Variants in GSDME observed in about 807,000 individuals in gnomAD.
GSDME encodes gasdermin E.
A neutral mutation model predicts 47.5 loss-of-function variants in GSDME; 44 were observed. The observed-to-expected ratio is 0.93, with a 90% confidence interval of 0.73 to 1.19. The LOEUF (loss-of-function observed/expected upper bound fraction) is 1.19. Among genes scored for constraint, GSDME ranks in the 50% most tolerant of loss-of-function variants. The pLI is 0.00. For missense variants in GSDME, 663 were observed against 604.2 expected, an observed-to-expected ratio of 1.10 and a Z score of -1.02; for synonymous variants, 258 against 252.8, an observed-to-expected ratio of 1.02 and a Z score of -0.20.
intron 2 of GSDME, among the ~76,000 whole-genome samples, chr7:24,748,543 T>C (rs1790752843): frequency 6.6e-6 from 1 of 152,210 alleles, no homozygotes; most frequent in Non-Finnish European, 1.5e-5. Context: ...AATTAACACA[T>C]GATGGTAGAA....
chr7:24,708,377 A>C lies in GSDME; in HGVS notation c.863-123T>G. The C allele has an allele frequency of 9.1e-6, 11 of 1,203,998 alleles. No homozygotes were observed. The South Asian group carries it at 1.4e-4, about 16-fold the overall frequency. The allele number at this position is 1,203,998 out of a possible 1,614,324, so 74.6% of individuals were successfully genotyped here. A position where few individuals can be genotyped will look rare whatever the true frequency, so the allele number is the denominator to read the frequency against. ...CTTTCATGGATATTCCCAGCTGCAT[A>C]GTCAGTCATGGAACTCAGAAATAAA... On this transcript the variant is annotated intron_variant, in intron 6 of 9. Transcript: ENST00000645220.
intron 6 of GSDME, among the ~76,000 whole-genome samples, chr7:24,708,863 C>T (rs1223973860): frequency 6.6e-6 from 1 of 152,178 alleles, no homozygotes; most frequent in African/African-American, 2.4e-5. Flanking sequence ...GCTTAGGGGC[C>T]TCTCCCCTTA....
the GSDME span, among the ~76,000 whole-genome samples, chr7:24,769,409 G>A: frequency 6.6e-6 from 1 of 152,146 alleles, no homozygotes; most frequent in Admixed American, 6.6e-5. Flanking sequence ...GGCGGGGAAC[G>A]TAGCCATTTT....
chr7:24,743,615 T>C (rs1194362968), intron 3 of GSDME, among the ~76,000 whole-genome samples: 1 of 152,222 alleles, frequency 6.6e-6, no homozygotes, highest in Non-Finnish European at 1.5e-5. Flanking sequence ...TTCAAGGTCC[T>C]GTGGGACTTG....
rs1198279321 is a variant in GSDME at position 24,744,626 on chromosome 7, A to C, written c.340T>G (p.Ser114Ala). 6.2e-7 allele frequency: 1 copy of C among 1,614,042 alleles called. No homozygotes were observed. The highest frequency in any genetic ancestry group is 8.5e-7 in the Non-Finnish European group (1 of 1,180,032). Reference protein sequence around the residue: ...GGSSRVESQSSFGTLRKQEVD... With the variant: ...GGSSRVESQSAFGTLRKQEVD... ...TCCTGCTTCCTCAGGGTTCCAAATG[A>C]AGACTGGCTCTCTACGCGGCTGCTG... Residue 114 changes from serine (S) to alanine (A), a missense_variant, in exon 3 of 10, where the codon TCA becomes GCA. Physicochemically the swap from Ser to Ala is moderately conservative, Grantham distance 99. Transcript: ENST00000645220. The surrounding 1 kb of genome is among the most constrained non-coding windows in gnomAD (Gnocchi z 4.5).
At chr7:24,758,089 AG>A (rs1473173606), upstream of GSDME, 1 of 152,314 alleles carries the variant, frequency 6.6e-6, no homozygotes, top group African/African-American at 2.4e-5. This position sits in a 1 kb window ranked among gnomAD's most constrained non-coding sequence, Gnocchi z 4.6. Context: ...ATCTCAGCAT[AG>A]CTGGTGCTCA....
At chr7:24,719,757 C>G (rs911859362) in intron 3 of GSDME, among the ~76,000 whole-genome samples, 2 of 151,666 alleles carry the variant, frequency 1.3e-5, no homozygotes, top group African/African-American at 4.8e-5. Context: ...CATGCCATTG[C>G]GCTCCAGCCA....
upstream of GSDME, among the ~76,000 whole-genome samples, chr7:24,761,715 A>C (rs543621108): frequency 1.2e-4 from 18 of 152,316 alleles, 1 homozygote; most frequent in East Asian, 3.5e-3. This position sits in a 1 kb window ranked among gnomAD's most constrained non-coding sequence, Gnocchi z 4.4. Flanking sequence ...CCTCTTCATC[A>C]TGGTGGTTTT....
At chr7:24,715,560 C>A (rs1379909195) in intron 5 of GSDME, 1 of 465,502 alleles carries the variant, frequency 2.1e-6, no homozygotes, top group Non-Finnish European at 4.5e-6. Context: ...ACCACCAAGG[C>A]AGACATAGGG....
chr7:24,726,559 C>T lies in GSDME; in HGVS notation c.405-7341G>A, dbSNP rs900552400. ...CAATGGTAGGCCGGGCGCGGTGGCT[C>T]ACGCCTGTTATCCCAGCACTTTGGG... On this transcript the variant is annotated intron_variant, in intron 3 of 9. Transcript: ENST00000645220. The surrounding 1 kb of genome is among the most constrained non-coding windows in gnomAD (Gnocchi z 5.6). 1.3e-5 allele frequency among the ~76,000 whole-genome samples: 2 copies of T among 152,204 alleles called. No homozygotes were observed. The highest frequency in any genetic ancestry group is 2.9e-5 in the Non-Finnish European group (2 of 68,032).
At position 24,739,894 on chromosome 7, in the gene GSDME, A is replaced by C. The variant is rs932537639; in HGVS notation, c.404+4668T>G. On this transcript the variant is annotated intron_variant, in intron 3 of 9. Transcript: ENST00000645220. The surrounding 1 kb of genome is among the most constrained non-coding windows in gnomAD (Gnocchi z 5.1). ...CGGATCACGAGGTCAGGAGTTCAAG[A>C]CCAGCCTGGCCAATATGGTGAAACC... Among the ~76,000 whole-genome samples the C allele has an allele frequency of 6.6e-6, 1 of 152,152 alleles. No homozygotes were observed. Among genetic ancestry groups the C allele is most frequent in the Non-Finnish European group, 1.5e-5 (1 of 68,026 alleles).
chr7:24,746,885 G>A (rs749567146), intron 2 of GSDME, among the ~76,000 whole-genome samples: 71 of 152,154 alleles, frequency 4.7e-4, no homozygotes, highest in Admixed American at 1.3e-3. Flanking sequence ...GTGAGGCTGC[G>A]AGTGGGAAAA....
chr7:24,795,500 A>G, the GSDME span, among the ~76,000 whole-genome samples: 1 of 152,168 alleles, frequency 6.6e-6, no homozygotes, highest in Non-Finnish European at 1.5e-5. Flanking sequence ...GGTCTGCGTG[A>G]GAGGGTTGTG....
rs1016871955 is a variant in GSDME, at chr7:24,725,927, AGGACAGGAGTT to A, written c.405-6720_405-6710del. ...ATTAAGAGCATGGCTCCATGGACAC[AGGACAGGAGTT>A]GGATACAAGACGCGGATACATTCAA... is the stretch of plus-strand genomic sequence containing the variant. On this transcript the variant is annotated intron_variant, in intron 3 of 9. Coordinates refer to ENST00000645220, the MANE Select transcript of GSDME (RefSeq NM_001127453.2). The surrounding 1 kb of genome is among the most constrained non-coding windows in gnomAD (Gnocchi z 5.1). Among the ~76,000 whole-genome samples, 3 of 152,200 alleles carry A rather than the reference AGGACAGGAGTT, an allele frequency of 2.0e-5. No individual in the cohort carries two copies. Among genetic ancestry groups the A allele is most frequent in the Non-Finnish European group, 2.9e-5 (2 of 68,044 alleles).
At chr7:24,770,084 G>A in the GSDME span, among the ~76,000 whole-genome samples, 1 of 152,194 alleles carries the variant, frequency 6.6e-6, no homozygotes, top group Non-Finnish European at 1.5e-5. The surrounding 1 kb of genome is among the most constrained non-coding windows in gnomAD (Gnocchi z 4.6). Context: ...ACCAAACCAT[G>A]TGATTAGAGG....
At chr7:24,752,282 C>G (rs993629904) in intron 1 of GSDME, among the ~76,000 whole-genome samples, 16 of 152,276 alleles carry the variant, frequency 1.1e-4, no homozygotes, top group Admixed American at 2.0e-4. Flanking sequence ...CACTGGAATG[C>G]AGCATTCCAG....
the GSDME span, among the ~76,000 whole-genome samples, chr7:24,771,211 A>T: frequency 2.0e-5 from 3 of 152,194 alleles, no homozygotes; most frequent in African/African-American, 7.2e-5. The surrounding 1 kb of genome is among the most constrained non-coding windows in gnomAD (Gnocchi z 4.1). Flanking sequence ...GAAAGGCCAA[A>T]GAGTTACATG....
chr7:24,761,229 G>C (rs1195300925), upstream of GSDME, among the ~76,000 whole-genome samples: 1 of 152,212 alleles, frequency 6.6e-6, no homozygotes, highest in South Asian at 2.1e-4. The surrounding 1 kb of genome is among the most constrained non-coding windows in gnomAD (Gnocchi z 4.4). Flanking sequence ...GCCTGGTTTG[G>C]AGGGTCCTGG....
rs143513351 is a variant in GSDME, at chr7:24,707,753, G to C, written c.990+374C>G. 598 of 449,520 alleles carry C rather than the reference G, an allele frequency of 1.3e-3. 7 individuals are homozygous for C. The East Asian group carries it at 0.021, about 16-fold the overall frequency. 27.8% of individuals were successfully genotyped at this position (449,520 alleles called of 1,614,324 possible). A position where few individuals can be genotyped will look rare whatever the true frequency, so the allele number is the denominator to read the frequency against. On this transcript the variant is annotated intron_variant, in intron 7 of 9. Coordinates refer to ENST00000645220, the MANE Select transcript of GSDME (RefSeq NM_001127453.2). ...AGAGGCTGGAGTGCTGCTGCCATGAGCCAGGAACACTAGGAGCCATCCGCA... is the reference window on the plus strand; with the variant it reads ...AGAGGCTGGAGTGCTGCTGCCATGACCCAGGAACACTAGGAGCCATCCGCA...
Sources: allele counts gnomAD v4.1 joint callset (sites outside exome capture counted in the v4.1 genomes callset), GRCh38; gene constraint gnomAD v4.1.1; non-coding constraint Gnocchi (gnomAD v3.1); transcripts MANE v1.5; gene names NCBI Gene and HGNC (gene_info 2026-07-23, HGNC 2026-07-21).